The following MCF2L variants were observed in gnomAD, a reference collection of about 807,000 sequenced individuals.
The protein encoded by MCF2L is guanine nucleotide exchange factor DBS.
A neutral mutation model predicts 153.4 loss-of-function variants in MCF2L; 97 were observed. The observed-to-expected ratio is 0.63, with a 90% confidence interval of 0.54 to 0.75. The LOEUF (loss-of-function observed/expected upper bound fraction) is 0.75. Among genes scored for constraint, MCF2L ranks in the 30% least tolerant of loss-of-function variants. MCF2L has a pLI of 0.00. For missense variants in MCF2L, 1,347 were observed against 1,495.2 expected, an observed-to-expected ratio of 0.90 and a Z score of 1.64; for synonymous variants, 659 against 632.2, an observed-to-expected ratio of 1.04 and a Z score of -0.64.
intron 1 of MCF2L, chr13:112,979,441 G>C: frequency 7.1e-7 from 1 of 1,410,958 alleles, no homozygotes; most frequent in Non-Finnish European, 9.2e-7. Flanking sequence ...GCACTCTGAG[G>C]AGGTGGCTCA....
intron 2 of MCF2L, chr13:112,909,519 C>T (rs993876069): frequency 2.6e-5 from 13 of 496,050 alleles, no homozygotes; most frequent in Admixed American, 6.5e-5. Flanking sequence ...GCGCAGCCAG[C>T]GGGTCTATCA....
intron 2 of MCF2L, among the ~76,000 whole-genome samples, chr13:112,955,435 G>A (rs1356656214): frequency 6.6e-6 from 1 of 152,188 alleles, no homozygotes; most frequent in Admixed American, 6.5e-5. Flanking sequence ...TTGTCTGAAC[G>A]TTGTGACATT....
At chr13:113,030,566 C>T (rs1238208765) in intron 3 of MCF2L, among the ~76,000 whole-genome samples, 2 of 147,888 alleles carry the variant, frequency 1.4e-5, no homozygotes, top group Non-Finnish European at 3.0e-5. Context: ...TGTGGGCCCT[C>T]GGGTGTCCGC....
rs1049386080 is a variant in MCF2L, at chr13:113,055,376, C to CCT, written c.370-5216_370-5215insTC. Among the ~76,000 whole-genome samples, 4 of 60,390 alleles carry CCT rather than the reference C, an allele frequency of 6.6e-5. 1 individual carries two copies. Among genetic ancestry groups the CCT allele is most frequent in the Non-Finnish European group, 1.4e-4 (4 of 28,064 alleles). 39.6% of individuals were successfully genotyped at this position (60,390 alleles called of 152,430 possible). A position where few individuals can be genotyped will look rare whatever the true frequency, so the allele number is the denominator to read the frequency against. ...CACCTGCTGGAGACGTGGACCCCCC[C>CCT]CCCCGCCACACACACACACACACAC... On this transcript the variant is annotated intron_variant, in intron 4 of 29. Transcript: ENST00000535094.
intron 4 of MCF2L, among the ~76,000 whole-genome samples, chr13:113,048,503 C>T (rs1020095503): frequency 8.8e-5 from 11 of 125,218 alleles, no homozygotes; most frequent in Admixed American, 5.6e-4. Flanking sequence ...TGCAGTGGCG[C>T]GATCTCAGCT....
At chr13:112,944,721 C>A (rs1415652012) in intron 2 of MCF2L, among the ~76,000 whole-genome samples, 1 of 152,066 alleles carries the variant, frequency 6.6e-6, no homozygotes, top group Non-Finnish European at 1.5e-5. Flanking sequence ...CTCCTGACCT[C>A]GTGATCCGCC....
chr13:113,002,155 G>A (rs1208102504), intron 1 of MCF2L, among the ~76,000 whole-genome samples: 6 of 152,322 alleles, frequency 3.9e-5, no homozygotes, highest in South Asian at 2.1e-4. Flanking sequence ...GGGTGCCTCC[G>A]AGACCAGAGG....
intron 7 of MCF2L, 35 bp from the exon 8 acceptor site, chr13:113,066,011 C>G: frequency 6.2e-7 from 1 of 1,603,026 alleles, no homozygotes; most frequent in Non-Finnish European, 8.5e-7. Flanking sequence ...TGTGCCTGGA[C>G]GGGGCCGGGA....
chr13:113,064,121 G>A lies in MCF2L; in HGVS notation c.490-183G>A, dbSNP rs1370907848. 6.6e-6 allele frequency among the ~76,000 whole-genome samples: 1 copy of A among 152,132 alleles called. No individual in the cohort carries two copies. The highest frequency in any genetic ancestry group is 2.4e-5 in the African/African-American group (1 of 41,426). Reference sequence around the variant, plus strand: ...CCACGAGAGGAGGTGTCGGCGGGGCGCTGAGCTGCATCCCATCCGCACATC... The same window carrying A: ...CCACGAGAGGAGGTGTCGGCGGGGCACTGAGCTGCATCCCATCCGCACATC... On this transcript the variant is annotated intron_variant, in intron 5 of 29. Transcript: ENST00000535094. The surrounding 1 kb of genome is among the most constrained non-coding windows in gnomAD (Gnocchi z 6.0).
chr13:112,977,943 G>A (rs778169195), intron 1 of MCF2L, among the ~76,000 whole-genome samples: 4 of 152,144 alleles, frequency 2.6e-5, no homozygotes, highest in African/African-American at 4.8e-5. Flanking sequence ...GTGTGGTGGC[G>A]GGGGTCTGTA....
chr13:112,926,902 C>G (rs2081413104), intron 2 of MCF2L, among the ~76,000 whole-genome samples: 1 of 152,112 alleles, frequency 6.6e-6, no homozygotes, highest in Non-Finnish European at 1.5e-5. Flanking sequence ...TTTAAGTGTT[C>G]CCACCACTAA....
At chr13:112,963,717 A>G (rs1271261773) in intron 2 of MCF2L, among the ~76,000 whole-genome samples, 1 of 152,192 alleles carries the variant, frequency 6.6e-6, no homozygotes, top group East Asian at 1.9e-4. Flanking sequence ...CTGCAGATGC[A>G]TGAGCTCAGA....
chr13:113,085,615 C>A (rs1042944387), intron 20 of MCF2L, among the ~76,000 whole-genome samples: 1 of 151,968 alleles, frequency 6.6e-6, no homozygotes, highest in African/African-American at 2.4e-5. Context: ...AGAGGAAACT[C>A]CCCAGGGAGC....
intron 1 of MCF2L, among the ~76,000 whole-genome samples, chr13:112,900,822 C>G (rs570212057): frequency 2.6e-5 from 4 of 151,988 alleles, no homozygotes; most frequent in South Asian, 2.1e-4. Flanking sequence ...TCTCCAGGGC[C>G]GGGCATTGGT....
Position 113,044,588 on chromosome 13 carries a change from G to A in MCF2L, c.279-683G>A, listed in dbSNP as rs544440760. 392 of 1,545,580 alleles carry A rather than the reference G, an allele frequency of 2.5e-4. 6 individuals carry two copies. In the South Asian group the frequency reaches 3.5e-3, roughly 14 times the overall value. On this transcript the variant is annotated intron_variant, in intron 3 of 29. Coordinates refer to ENST00000535094, the MANE Select transcript of MCF2L (RefSeq NM_001112732.3). ...TGGTGGTAGCAGCTGCTGGCATCACGCAATTGGCTTGGCTGCAGAGTGAGC... is the reference window on the plus strand; with the variant it reads ...TGGTGGTAGCAGCTGCTGGCATCACACAATTGGCTTGGCTGCAGAGTGAGC...
intron 2 of MCF2L, among the ~76,000 whole-genome samples, chr13:112,938,231 C>T (rs1248426650): frequency 3.1e-5 from 4 of 129,802 alleles, no homozygotes; most frequent in African/African-American, 6.0e-5. Flanking sequence ...TTCAGGTGAG[C>T]GCTGAGGGGT....
At chr13:112,902,878 G>A (rs945616676) in intron 2 of MCF2L, among the ~76,000 whole-genome samples, 3 of 152,162 alleles carry the variant, frequency 2.0e-5, no homozygotes, top group Non-Finnish European at 4.4e-5. Context: ...GGGCAGGCCT[G>A]GGGTGTGAGT....
In MCF2L at chr13:113,027,604, G is replaced by A. The variant is rs923426565; in HGVS notation, c.278+2846G>A. ...GCTCTGCTGGCTGAGCTGAGTGCAC[G>A]GAGGAGGGGCTGGGTCTCGGGCCGA... On this transcript the variant is annotated intron_variant, in intron 3 of 29. Transcript: ENST00000535094. This position sits in a 1 kb window ranked among gnomAD's most constrained non-coding sequence, Gnocchi z 4.8. Among the ~76,000 whole-genome samples the A allele has an allele frequency of 2.6e-5, 4 of 152,316 alleles. No homozygotes were observed. The highest frequency in any genetic ancestry group is 2.1e-4 in the South Asian group (1 of 4,818).
At position 113,076,854 on chromosome 13, in the gene MCF2L, C is replaced by T. The variant is rs74115785; in HGVS notation, c.1501-198C>T. 3.9e-3 allele frequency among the ~76,000 whole-genome samples: 593 copies of T among 152,358 alleles called. 3 individuals carry two copies. The highest frequency in any genetic ancestry group is 0.013 in the African/African-American group (549 of 41,596). ...CTGCCCTTTCCCGAGGCCGGGGCCC[C>T]GTCCCGTGTGGGGGCTGCATCCCCC... On this transcript the variant is annotated intron_variant, in intron 12 of 29. Coordinates refer to ENST00000535094, the MANE Select transcript of MCF2L (RefSeq NM_001112732.3).
Sources: allele counts gnomAD v4.1 joint callset (sites outside exome capture counted in the v4.1 genomes callset), GRCh38; gene constraint gnomAD v4.1.1; non-coding constraint Gnocchi (gnomAD v3.1); transcripts MANE v1.5; gene names NCBI Gene and HGNC (gene_info 2026-07-23, HGNC 2026-07-21).